SPATA1: variants seen among roughly 807,000 people sequenced by gnomAD.
The protein encoded by SPATA1 is spermatogenesis-associated protein 1.
Under a neutral mutation model 59.6 loss-of-function variants are expected in SPATA1, and 57 were observed. That is an observed-to-expected ratio of 0.96 (90% CI 0.77 to 1.19). The LOEUF (loss-of-function observed/expected upper bound fraction) is 1.19, where lower values mean the gene tolerates loss of function less well. Among genes scored for constraint, SPATA1 ranks in the 50% most tolerant of loss-of-function variants. The pLI, the probability that SPATA1 is intolerant of heterozygous loss-of-function variation, is 0.00. For missense variants in SPATA1, 448 were observed against 480.7 expected, an observed-to-expected ratio of 0.93 and a Z score of 0.64; for synonymous variants, 147 against 163.9, an observed-to-expected ratio of 0.90 and a Z score of 0.79.
chr1:84,548,680 T>C, intron 10 of SPATA1, 106 bp from the exon 11 acceptor site: 4 of 1,257,674 alleles, frequency 3.2e-6, no homozygotes, highest in Non-Finnish European at 3.1e-6. Context: ...ATGGTTTAAA[T>C]TGACATTAGC....
intron 6 of SPATA1, 92 bp from the exon 7 acceptor site, chr1:84,532,768 G>T (rs1683523806): frequency 5.1e-6 from 4 of 783,032 alleles, no homozygotes; most frequent in Non-Finnish European, 6.2e-6. Context: ...TCTACGATAA[G>T]ATTATAGTGT....
intron 8 of SPATA1, among the ~76,000 whole-genome samples, chr1:84,537,492 T>C (rs1012023817): frequency 2.0e-5 from 3 of 152,140 alleles, no homozygotes; most frequent in African/African-American, 7.2e-5. Context: ...ATCCCCTTAT[T>C]AAATTACGAG....
chr1:84,525,302 A>G (rs1366208886), intron 4 of SPATA1, among the ~76,000 whole-genome samples: 1 of 152,234 alleles, frequency 6.6e-6, no homozygotes, highest in Non-Finnish European at 1.5e-5. Flanking sequence ...TAAATAACAA[A>G]TGAACTCTAT....
At chr1:84,547,512 T>G (rs1158041177) in intron 10 of SPATA1, among the ~76,000 whole-genome samples, 1 of 152,100 alleles carries the variant, frequency 6.6e-6, no homozygotes, top group Non-Finnish European at 1.5e-5. Context: ...TAAGACAATA[T>G]CAGCTTTGAT....
intron 8 of SPATA1, among the ~76,000 whole-genome samples, chr1:84,538,330 G>A (rs1683782071): frequency 6.6e-6 from 1 of 152,222 alleles, no homozygotes; most frequent in Non-Finnish European, 1.5e-5. Context: ...AGGAATAGCA[G>A]TAGACCTTCA....
intron 1 of SPATA1, among the ~76,000 whole-genome samples, chr1:84,513,119 T>G (rs777223567): frequency 6.6e-6 from 1 of 152,150 alleles, no homozygotes; most frequent in African/African-American, 2.4e-5. Flanking sequence ...TTTTTGGTTT[T>G]GTTTTGTTTT....
At chr1:84,547,555 T>A (rs933139659) in intron 10 of SPATA1, among the ~76,000 whole-genome samples, 1 of 152,000 alleles carries the variant, frequency 6.6e-6, no homozygotes, top group Non-Finnish European at 1.5e-5. Flanking sequence ...AAGAGCATAG[T>A]AAAGAGTGAT....
chr1:84,518,287 T>C (rs1011093790), intron 2 of SPATA1, among the ~76,000 whole-genome samples: 12 of 152,118 alleles, frequency 7.9e-5, no homozygotes, highest in Non-Finnish European at 1.2e-4. Flanking sequence ...TCGAGGACAA[T>C]TGGGAAAATT....
intron 10 of SPATA1, 98 bp downstream of exon 10, chr1:84,545,857 A>G (rs1232161145): frequency 3.2e-6 from 3 of 926,870 alleles, no homozygotes; most frequent in African/African-American, 1.7e-5. Context: ...ATTAATATTT[A>G]CTGTTTTACT....
exon 4 of SPATA1, chr1:84,522,427 C>T (rs766718066): frequency 1.3e-6 from 2 of 1,503,812 alleles, no homozygotes; most frequent in African/African-American, 1.4e-5. Context: ...CCTGAGGGAG[C>T]GTCTTGGTGA....
chr1:84,517,483 C>T (rs913699807), intron 2 of SPATA1, among the ~76,000 whole-genome samples: 3 of 152,168 alleles, frequency 2.0e-5, no homozygotes, highest in Admixed American at 2.0e-4. Context: ...GACATCGCCA[C>T]TTGGATGGCC....
At chr1:84,557,872 G>A (rs12404397), downstream of SPATA1, among the ~76,000 whole-genome samples, 1,666 of 147,376 alleles carry the variant, frequency 0.011, 93 homozygotes, top group Admixed American at 0.096. Flanking sequence ...AAAAAAAAAA[G>A]AGGAAGGAAA....
intron 3 of SPATA1, among the ~76,000 whole-genome samples, chr1:84,521,320 G>A (rs1683016864): frequency 6.6e-6 from 1 of 152,136 alleles, no homozygotes. Context: ...ATGTAGATGT[G>A]TATTTTCAAA....
intron 4 of SPATA1, among the ~76,000 whole-genome samples, chr1:84,560,041 G>A (rs1407716118): frequency 3.5e-5 from 5 of 143,138 alleles, no homozygotes; most frequent in African/African-American, 8.0e-5. Context: ...CCCAGAGGGC[G>A]CCACTGCACT....
chr1:84,555,411 C>G (rs189518016), downstream of SPATA1, among the ~76,000 whole-genome samples: 71 of 152,230 alleles, frequency 4.7e-4, no homozygotes, highest in Non-Finnish European at 8.4e-4. Context: ...TACAAATGGT[C>G]CCTGACTTAC....
intron 10 of SPATA1, among the ~76,000 whole-genome samples, chr1:84,546,016 ATTC>A (rs1333529158): frequency 2.0e-5 from 3 of 152,226 alleles, no homozygotes; most frequent in African/African-American, 4.8e-5. Context: ...TTGTTTATTA[ATTC>A]TTCTATTCAT....
chr1:84,519,447 G>A (rs1387695546), intron 2 of SPATA1, among the ~76,000 whole-genome samples: 1 of 151,828 alleles, frequency 6.6e-6, no homozygotes, highest in African/African-American at 2.4e-5. Flanking sequence ...CCATTAAAAT[G>A]TCTTTTTTAA....
At chr1:84,514,725 C>T (rs1306115620) in intron 1 of SPATA1, among the ~76,000 whole-genome samples, 1 of 152,168 alleles carries the variant, frequency 6.6e-6, no homozygotes, top group Non-Finnish European at 1.5e-5. Context: ...AATCCCAGCA[C>T]TTTGGGAGGC....
chr1:84,522,270 C>A, intron 3 of SPATA1, 120 bp from the exon 4 acceptor site: 1 of 471,286 alleles, frequency 2.1e-6, no homozygotes, highest in Non-Finnish European at 3.7e-6. Context: ...ATATGTTAAG[C>A]TATATCTGAC....
Sources: gnomAD v4.1 joint callset for allele counts (sites outside exome capture counted in the v4.1 genomes callset) on GRCh38, gnomAD v4.1.1 for gene constraint, MANE v1.5 for transcripts, NCBI Gene and HGNC (gene_info 2026-07-23, HGNC 2026-07-21) for gene names.